Variants in CPZ observed in about 807,000 individuals in gnomAD.
The protein encoded by CPZ is carboxypeptidase Z.
Under a neutral mutation model 61.8 loss-of-function variants are expected in CPZ, and 103 were observed. The ratio of observed to expected loss-of-function variants is 1.67; its 90% CI spans 1.42 to 1.96. The LOEUF is 1.96. CPZ is among the 30% of genes most tolerant of loss of function. The probability of loss-of-function intolerance (pLI) is 0.00; values close to 1 mark genes in which losing one functional copy is unlikely to be tolerated. For synonymous variants in CPZ, 551 were observed against 373.7 expected, an observed-to-expected ratio of 1.47 and a Z score of -5.47; for missense variants, 1,461 against 914.9, an observed-to-expected ratio of 1.60 and a Z score of -7.70.
At chr4:8,598,709 G>C (rs542066370) in intron 1 of CPZ, among the ~76,000 whole-genome samples, 1 of 152,380 alleles carries the variant, frequency 6.6e-6, no homozygotes, top group East Asian at 1.9e-4. Context: ...GATGCACACA[G>C]AGCCTTGGGT....
At chr4:8,609,892 G>C (rs1009589729) in intron 7 of CPZ, among the ~76,000 whole-genome samples, 1 of 152,186 alleles carries the variant, frequency 6.6e-6, no homozygotes, top group Admixed American at 6.5e-5. Flanking sequence ...GGGCTGGCTG[G>C]GGTGTGCCAA....
chr4:8,607,685 T>C (rs1715159014), intron 7 of CPZ, among the ~76,000 whole-genome samples: 1 of 152,090 alleles, frequency 6.6e-6, no homozygotes, highest in African/African-American at 2.4e-5. Flanking sequence ...GTCTGGGAGC[T>C]CCTGGGGTGG....
intron 10 of CPZ, 73 bp downstream of exon 10, chr4:8,618,601 C>G: frequency 1.4e-6 from 2 of 1,381,704 alleles, no homozygotes; most frequent in Non-Finnish European, 2.0e-6. Context: ...AGCCGGCACC[C>G]TCAGGCACTC....
In CPZ at chr4:8,592,842, C is replaced by CCCG. The variant is rs1252201576; in HGVS notation, c.11_13dup (p.Pro4dup). The stretch of plus-strand genomic sequence containing the variant: ...AGGTCCGCCGCCCCACCATGCCGCC[C>CCCG]CCGCTGCCGCTGCTGCTCCTTACAG... On this transcript the variant is annotated inframe_insertion, in exon 1 of 11. Transcript: ENST00000360986. 5.4e-6 allele frequency: 8 copies of CCCG among 1,479,688 alleles called. No individual in the cohort carries two copies. In the Admixed American group the frequency reaches 7.1e-5, roughly 13 times the overall value. The allele number at this position is 1,479,688 out of a possible 1,614,324, so 91.7% of individuals were successfully genotyped here. A position where few individuals can be genotyped will look rare whatever the true frequency, so the allele number is the denominator to read the frequency against.
chr4:8,607,510 A>G lies in CPZ; in HGVS notation c.1227+85A>G, dbSNP rs1715141843. 7 of 1,480,178 alleles carry G rather than the reference A, an allele frequency of 4.7e-6. No individual in the cohort carries two copies. The African/African-American group carries it at 6.9e-5, about 15-fold the overall frequency. The allele number at this position is 1,480,178 out of a possible 1,614,324, so 91.7% of individuals were successfully genotyped here. On this transcript the variant is annotated intron_variant, in intron 7 of 10. Coordinates refer to ENST00000360986, the MANE Select transcript of CPZ (RefSeq NM_001014447.3). ...CTGGTGCCCCTCCAGTCCTGAGCTC[A>G]GTGAAGGCAAAGCTCCTAGGAACCT...
At chr4:8,616,616 C>T (rs78031223) in intron 9 of CPZ, among the ~76,000 whole-genome samples, 2,022 of 152,086 alleles carry the variant, frequency 0.013, 60 homozygotes, top group Admixed American at 0.052. Context: ...GGAATCGGCC[C>T]GGTGAGGGGC....
chr4:8,592,878 C>T lies in CPZ; in HGVS notation c.45C>T (p.Val15=), dbSNP rs369152044. Residue 15 remains valine, a synonymous_variant, in exon 1 of 11, where the codon GTC becomes GTT. Coordinates refer to ENST00000360986, the MANE Select transcript of CPZ (RefSeq NM_001014447.3). ...TGCTGCTCCTTACAGTCCTGGTCGT[C>T]GCCGCTGCCCGGCCGGGGTGCGAGT... ...LPLLLLTVLV[V]AAARPGCEFE... The T allele has an allele frequency of 9.1e-5, 139 of 1,533,806 alleles. 1 individual carries two copies. The African/African-American group carries it at 1.3e-3, about 14-fold the overall frequency.
In CPZ at chr4:8,618,427, A is replaced by G. The variant is rs530014058; in HGVS notation, c.1504-2A>G. On this transcript the variant is annotated splice_acceptor_variant, in intron 9 of 10. Transcript: ENST00000360986. LOFTEE classifies it high-confidence loss of function. ...TCCCTGGCCTCCCCTTGGTCTCTTCAGGTGCACCGGGGCATCAAAGGTGTG... is the reference window on the plus strand; with the variant it reads ...TCCCTGGCCTCCCCTTGGTCTCTTCGGGTGCACCGGGGCATCAAAGGTGTG... 8 of 1,608,112 alleles carry G rather than the reference A, an allele frequency of 5.0e-6. No individual in the cohort carries two copies. The highest frequency in any genetic ancestry group is 6.8e-6 in the Non-Finnish European group (8 of 1,176,450).
Position 8,597,818 on chromosome 4 carries a change from C to T in CPZ, c.89-1635C>T, listed in dbSNP as rs138401160. ...GTGCTGGGCTCGGACCATAGGTCGT[C>T]TCATCTCACAGTATTCCTACAAAAT... On this transcript the variant is annotated intron_variant, in intron 1 of 10. Coordinates refer to ENST00000360986, the MANE Select transcript of CPZ (RefSeq NM_001014447.3). Among the ~76,000 whole-genome samples the T allele has an allele frequency of 2.0e-5, 3 of 152,366 alleles. No individual in the cohort carries two copies. The East Asian group carries it at 5.8e-4, about 29-fold the overall frequency.
chr4:8,598,656 A>G (rs897822494), intron 1 of CPZ, among the ~76,000 whole-genome samples: 3 of 152,160 alleles, frequency 2.0e-5, no homozygotes, highest in Non-Finnish European at 4.4e-5. Flanking sequence ...CGGGTTTTAA[A>G]TCTGATGCCG....
rs76323741 is a variant in CPZ at position 8,619,208 on chromosome 4, C to G, written c.1604-54C>G. 50 of 1,460,908 alleles carry G rather than the reference C, an allele frequency of 3.4e-5. No individual in the cohort carries two copies. In the South Asian group the frequency reaches 6.3e-4, roughly 18 times the overall value. 90.5% of individuals were successfully genotyped at this position (1,460,908 alleles called of 1,614,324 possible). On this transcript the variant is annotated intron_variant, in intron 10 of 10. Coordinates refer to ENST00000360986, the MANE Select transcript of CPZ (RefSeq NM_001014447.3). ...CACTCATATCCATCACCCATCACCC[C>G]GTGGCTGGGTCTGCAGTCCTCGTGA...
At chr4:8,600,483 A>G (rs930763012) in intron 2 of CPZ, among the ~76,000 whole-genome samples, 1 of 152,168 alleles carries the variant, frequency 6.6e-6, no homozygotes, top group Non-Finnish European at 1.5e-5. Flanking sequence ...ACGGGGCTGG[A>G]GGGCCCTGCT....
chr4:8,606,742 C>A lies in CPZ; in HGVS notation c.912C>A (p.Ala304=), dbSNP rs111338063. 6.2e-7 allele frequency: 1 copy of A among 1,614,102 alleles called. No homozygotes were observed. The change falls in exon 6 of 11, where the codon GCC becomes GCA. Residue 304 remains alanine (A), a synonymous_variant. Coordinates refer to ENST00000360986, the MANE Select transcript of CPZ (RefSeq NM_001014447.3). ...DGYEVAAAEG[A]GYNGWTSGRQ... is the part of the protein sequence containing the mutation. ...GGGGTTGGCCATGTTTTCAGGGTGC[C>A]GGCTACAACGGGTGGACGAGCGGGA...
chr4:8,618,560 C>A lies in CPZ; in HGVS notation c.1603+32C>A, dbSNP rs553249668. 4 of 1,550,098 alleles carry A rather than the reference C, an allele frequency of 2.6e-6. No individual in the cohort carries two copies. The African/African-American group carries it at 4.4e-5, about 17-fold the overall frequency. On this transcript the variant is annotated intron_variant, in intron 10 of 10. Transcript: ENST00000360986. The stretch of plus-strand genomic sequence containing the variant: ...ACGTCCCTGGCTGTCCCCTGGGGAC[C>A]ACGTCTGCCAAGGAAATGCCACACC...
intron 8 of CPZ, among the ~76,000 whole-genome samples, chr4:8,613,459 G>A (rs971199547): frequency 3.9e-5 from 6 of 152,204 alleles, no homozygotes; most frequent in African/African-American, 1.4e-4. Context: ...ATACGGCCCT[G>A]GGAAAGCATG....
chr4:8,614,488 T>G lies in CPZ; in HGVS notation c.1493T>G (p.Phe498Cys), dbSNP rs1226792892. The G allele has an allele frequency of 6.2e-7, 1 of 1,613,564 alleles. No homozygotes were observed. The highest frequency in any genetic ancestry group is 1.3e-5 in the African/African-American group (1 of 75,040). The part of the protein sequence containing the change: ...WQHNKESLLN[F>C]VETVHRGIKG... The stretch of plus-strand genomic sequence containing the variant: ...CACAACAAGGAGTCACTCCTGAATT[T>G]CGTGGAGACGGTGAGTTCTGACGGT... Residue 498 changes from phenylalanine (F) to cysteine (C), a missense_variant, in exon 9 of 11, where the codon TTC becomes TGC. Physicochemically the swap from Phe to Cys is radical, Grantham distance 205. Transcript: ENST00000360986.
Position 8,604,173 on chromosome 4 carries a change from G to A in CPZ, c.694G>A (p.Gly232Ser), listed in dbSNP as rs556638204. Residue 232 changes from glycine to serine, a missense_variant, in exon 4 of 11, where the codon GGC becomes AGC. Transcript: ENST00000360986. ...GGTCATCGAGTTCTCCAGCCGCCCC[G>A]GCCAGCACGAGCTGAGTGAGTGCCC... The part of the protein sequence containing the change: ...LLVIEFSSRP[G>S]QHELMEPEVK... The A allele has an allele frequency of 2.4e-5, 38 of 1,561,044 alleles. No homozygotes were observed. The South Asian group carries it at 2.5e-4, about 10-fold the overall frequency.
At chr4:8,607,564 T>C (rs113125896) in intron 7 of CPZ, 139 bp downstream of exon 7, 10,826 of 953,506 alleles carry the variant, frequency 0.011, 345 homozygotes, top group African/African-American at 0.095. Flanking sequence ...CACCACCTGC[T>C]CCAGGCCCAG....
In CPZ at chr4:8,606,110, G is replaced by A. The variant is rs748330465; in HGVS notation, c.831G>A (p.Gln277=). The change falls in exon 5 of 11, where the codon CAG becomes CAA. Residue 277 remains glutamine, a synonymous_variant. Coordinates refer to ENST00000360986, the MANE Select transcript of CPZ (RefSeq NM_001014447.3). ...ACCTGCTTGGTAACCCCCGCATCCA[G>A]CGCCTGCTCAACACCACCCGCATCC... ...SEYLLGNPRI[Q]RLLNTTRIHL... 6.2e-7 allele frequency: 1 copy of A among 1,614,158 alleles called. No homozygotes were observed. The highest frequency in any genetic ancestry group is 2.2e-5 in the East Asian group (1 of 44,878).
Sources: allele counts gnomAD v4.1 joint callset (sites outside exome capture counted in the v4.1 genomes callset), GRCh38; gene constraint gnomAD v4.1.1; transcripts MANE v1.5; gene names NCBI Gene and HGNC (gene_info 2026-07-23, HGNC 2026-07-21).